The following TMEM163 variants were observed in gnomAD, a reference collection of about 807,000 sequenced individuals.
TMEM163 encodes transmembrane protein 163.
TMEM163 carries 17 observed loss-of-function variants against 29.3 expected under a neutral mutation model. That is an observed-to-expected ratio of 0.58 (90% CI 0.40 to 0.87). TMEM163 has a LOEUF of 0.87. TMEM163 is among the 40% of genes least tolerant of loss of function. The pLI is 0.00. For synonymous variants in TMEM163, 157 were observed against 160.6 expected, an observed-to-expected ratio of 0.98 and a Z score of 0.17; for missense variants, 303 against 381.5, an observed-to-expected ratio of 0.79 and a Z score of 1.71.
intron 4 of TMEM163, among the ~76,000 whole-genome samples, chr2:134,516,318 T>A (rs576627485): frequency 6.6e-6 from 1 of 152,116 alleles, no homozygotes; most frequent in East Asian, 1.9e-4. Context: ...CCCAGCACTT[T>A]GGGAGGCCGA....
intron 1 of TMEM163, 58 bp from the exon 2 acceptor site, chr2:134,713,377 G>C: frequency 6.2e-7 from 1 of 1,605,326 alleles, no homozygotes; most frequent in Non-Finnish European, 8.5e-7. Context: ...AACCCACAGC[G>C]AGAGCTACAA....
chr2:134,606,600 G>A (rs932396938), intron 2 of TMEM163, among the ~76,000 whole-genome samples: 12 of 152,118 alleles, frequency 7.9e-5, no homozygotes, highest in Admixed American at 7.2e-4. Flanking sequence ...GAGGAGCTGC[G>A]CGAAGACAGG....
chr2:134,505,640 C>T (rs1679806151), intron 4 of TMEM163, among the ~76,000 whole-genome samples: 1 of 152,260 alleles, frequency 6.6e-6, no homozygotes, highest in East Asian at 1.9e-4. Flanking sequence ...AGGGAGCTTC[C>T]ATCTCCATAC....
Position 134,681,625 on chromosome 2 carries a change from G to A in TMEM163, c.322+31575C>T, listed in dbSNP as rs146073860. Among the ~76,000 whole-genome samples, 5 of 152,124 alleles carry A rather than the reference G, an allele frequency of 3.3e-5. No homozygotes were observed. The East Asian group carries it at 7.7e-4, about 23-fold the overall frequency. On this transcript the variant is annotated intron_variant, in intron 2 of 7. Transcript: ENST00000281924. ...CACTCAGCTTCTATAAGTCACACAG[G>A]TTATCATGCCTTCTTTTAGCAGAGC... is the stretch of plus-strand genomic sequence containing the variant.
Position 134,632,844 on chromosome 2 carries a change from G to A in TMEM163, c.322+80356C>T, listed in dbSNP as rs993821049. Among the ~76,000 whole-genome samples the A allele has an allele frequency of 2.8e-3, 422 of 148,574 alleles. 4 individuals carry two copies. Among genetic ancestry groups the A allele is most frequent in the African/African-American group, 9.6e-3 (385 of 40,290 alleles). ...TGCAAGCTTTGCCTCCCGGGTTCAC[G>A]CCATTCTCCTGCCTCAGCCTCCGGA... On this transcript the variant is annotated intron_variant, in intron 2 of 7. Transcript: ENST00000281924.
intron 5 of TMEM163, among the ~76,000 whole-genome samples, chr2:134,499,671 G>A (rs1391002693): frequency 1.3e-5 from 2 of 152,184 alleles, no homozygotes; most frequent in African/African-American, 2.4e-5. Context: ...ACCGTGCAGC[G>A]AAACTAAAAA....
At chr2:134,627,591 G>GT (rs1682880654) in intron 2 of TMEM163, among the ~76,000 whole-genome samples, 1 of 152,008 alleles carries the variant, frequency 6.6e-6, no homozygotes, top group African/African-American at 2.4e-5. Flanking sequence ...ATAATTTAAA[G>GT]ACACAATTAG....
chr2:134,488,136 G>A (rs1334274495), intron 5 of TMEM163, among the ~76,000 whole-genome samples: 5 of 152,232 alleles, frequency 3.3e-5, no homozygotes, highest in African/African-American at 1.2e-4. Context: ...ATGCACATAT[G>A]TGATGGTTAA....
chr2:134,541,482 A>C (rs1680665962), intron 4 of TMEM163, among the ~76,000 whole-genome samples: 1 of 152,262 alleles, frequency 6.6e-6, no homozygotes, highest in South Asian at 2.1e-4. Context: ...ATCCTAAAGA[A>C]ATAACAAGAC....
At position 134,526,296 on chromosome 2, in the gene TMEM163, TA is replaced by T. The variant is rs565557777; in HGVS notation, c.459-23300del. 1.7e-4 allele frequency among the ~76,000 whole-genome samples: 26 copies of T among 152,342 alleles called. No individual in the cohort carries two copies. The East Asian group carries it at 4.8e-3, about 28-fold the overall frequency. On this transcript the variant is annotated intron_variant, in intron 4 of 7. Coordinates refer to ENST00000281924, the MANE Select transcript of TMEM163 (RefSeq NM_030923.5). ...CACATTTAGCAGGACAACAGAATCT[TA>T]TACAACCACCCAAGGTTAAGTAAAA...
chr2:134,649,791 A>C (rs1683423722), intron 2 of TMEM163, among the ~76,000 whole-genome samples: 1 of 152,004 alleles, frequency 6.6e-6, no homozygotes. Context: ...AAGCGGGTGT[A>C]CTGCTTGATC....
intron 2 of TMEM163, among the ~76,000 whole-genome samples, chr2:134,563,914 T>TG (rs1464414425): frequency 1.3e-5 from 2 of 152,184 alleles, no homozygotes; most frequent in Middle Eastern, 3.4e-3. Context: ...ACCTTAGGCG[T>TG]GGTGGTGGGT....
chr2:134,614,032 G>A (rs1418273326), intron 2 of TMEM163, among the ~76,000 whole-genome samples: 1 of 151,940 alleles, frequency 6.6e-6, no homozygotes, highest in Non-Finnish European at 1.5e-5. Flanking sequence ...AACAGAGAAA[G>A]AAGAAAAAGG....
chr2:134,558,750 T>C (rs1013649038), intron 2 of TMEM163, among the ~76,000 whole-genome samples: 1 of 152,146 alleles, frequency 6.6e-6, no homozygotes, highest in East Asian at 1.9e-4. Context: ...GCAGCAAAAA[T>C]GAGGACCCAT....
chr2:134,538,104 A>G (rs1210594033), intron 4 of TMEM163, among the ~76,000 whole-genome samples: 2 of 152,238 alleles, frequency 1.3e-5, no homozygotes, highest in East Asian at 3.8e-4. Flanking sequence ...GCCAGGGGCT[A>G]CATGTTTCCA....
intron 2 of TMEM163, among the ~76,000 whole-genome samples, chr2:134,650,504 T>TGTTTG (rs1222354618): frequency 1.0e-5 from 1 of 97,562 alleles, no homozygotes; most frequent in Admixed American, 9.2e-5. Context: ...CTTCTATTTC[T>TGTTTG]TTTTTTTGTT....
intron 2 of TMEM163, among the ~76,000 whole-genome samples, chr2:134,575,643 T>TA (rs1681535483): frequency 6.6e-6 from 1 of 152,168 alleles, no homozygotes; most frequent in Non-Finnish European, 1.5e-5. Flanking sequence ...AGAAGAAAGC[T>TA]AAGCAGCTAT....
intron 2 of TMEM163, among the ~76,000 whole-genome samples, chr2:134,552,849 A>T (rs1680963638): frequency 6.6e-6 from 1 of 151,770 alleles, no homozygotes; most frequent in Non-Finnish European, 1.5e-5. Flanking sequence ...TAGCAGAGAC[A>T]GGGTTTTTCC....
intron 2 of TMEM163, among the ~76,000 whole-genome samples, chr2:134,594,946 A>C (rs1682033911): frequency 6.6e-6 from 1 of 151,990 alleles, no homozygotes; most frequent in Admixed American, 6.6e-5. Context: ...TTGGCACAGA[A>C]GCAATATAGC....
Sources: gnomAD v4.1 joint callset for allele counts (sites outside exome capture counted in the v4.1 genomes callset) on GRCh38, gnomAD v4.1.1 for gene constraint, MANE v1.5 for transcripts, NCBI Gene and HGNC (gene_info 2026-07-23, HGNC 2026-07-21) for gene names.